Variants in PDE4B observed in about 807,000 individuals in gnomAD.
PDE4B encodes phosphodiesterase 4B.
In PDE4B, 20 loss-of-function variants were observed where a neutral mutation model predicts 82.2. The ratio of observed to expected loss-of-function variants is 0.24; its 90% CI spans 0.17 to 0.35. The LOEUF (loss-of-function observed/expected upper bound fraction) is 0.35. PDE4B is among the 10% of genes least tolerant of loss of function. The pLI, the probability that PDE4B is intolerant of heterozygous loss-of-function variation, is 1.00. For missense variants in PDE4B, 655 were observed against 907.2 expected, an observed-to-expected ratio of 0.72 and a Z score of 3.57; for synonymous variants, 320 against 318.9, an observed-to-expected ratio of 1.00 and a Z score of -0.04.
intron 1 of PDE4B, among the ~76,000 whole-genome samples, chr1:65,906,931 G>A (rs1569634262): frequency 1.3e-5 from 2 of 152,048 alleles, no homozygotes; most frequent in East Asian, 3.9e-4. Context: ...ATAAGCTAAT[G>A]GTTTAAGTTC....
intron 3 of PDE4B, among the ~76,000 whole-genome samples, chr1:66,236,496 A>T (rs1343648645): frequency 2.0e-5 from 3 of 152,140 alleles, no homozygotes. Context: ...CTTCTGCTTG[A>T]AGGATTTCCT....
chr1:66,060,657 C>CT (rs1168760876), intron 3 of PDE4B, among the ~76,000 whole-genome samples: 1 of 152,084 alleles, frequency 6.6e-6, no homozygotes, highest in African/African-American at 2.4e-5. Flanking sequence ...TTGCCCATTT[C>CT]TTTTTACTTG....
chr1:66,124,475 G>A (rs958780861), intron 3 of PDE4B, among the ~76,000 whole-genome samples: 7 of 152,136 alleles, frequency 4.6e-5, no homozygotes, highest in African/African-American at 1.4e-4. Context: ...TTAGAATGAC[G>A]GAATGTGTTA....
chr1:66,024,185 A>G (rs1653306500), intron 3 of PDE4B, among the ~76,000 whole-genome samples: 1 of 152,156 alleles, frequency 6.6e-6, no homozygotes, highest in Admixed American at 6.6e-5. Context: ...TAGAGGATAG[A>G]AAAACAATCA....
chr1:66,012,576 G>A lies in PDE4B; in HGVS notation c.281+93741G>A, dbSNP rs151133090. The stretch of plus-strand genomic sequence containing the variant: ...CTTCTGTGCCGTTTGAAGCTCCTAG[G>A]GCAGAAGGAGTAACCACATTGTGAG... On this transcript the variant is annotated intron_variant, in intron 3 of 16. Coordinates refer to ENST00000341517, the MANE Select transcript of PDE4B (RefSeq NM_002600.4). Among the ~76,000 whole-genome samples the A allele has an allele frequency of 1.1e-3, 168 of 152,130 alleles. 2 individuals carry two copies. Among genetic ancestry groups the A allele is most frequent in the South Asian group, 9.3e-3 (45 of 4,818 alleles).
intron 8 of PDE4B, among the ~76,000 whole-genome samples, chr1:66,341,937 G>T (rs1661016503): frequency 6.6e-6 from 1 of 152,200 alleles, no homozygotes; most frequent in Non-Finnish European, 1.5e-5. Flanking sequence ...TCCTAGTGGA[G>T]TTAGGTACAA....
chr1:65,945,595 C>A (rs572641944), intron 3 of PDE4B, among the ~76,000 whole-genome samples: 2 of 151,990 alleles, frequency 1.3e-5, no homozygotes, highest in Admixed American at 1.3e-4. Flanking sequence ...GGAGGTCCAA[C>A]ATTCATCAAC....
chr1:66,341,205 T>C (rs1030030716), intron 8 of PDE4B, among the ~76,000 whole-genome samples: 90 of 152,204 alleles, frequency 5.9e-4, no homozygotes, highest in African/African-American at 2.2e-3. Flanking sequence ...ATAGAGCACA[T>C]TCTAAATGAA....
chr1:66,140,298 G>A (rs1407176949), intron 3 of PDE4B, among the ~76,000 whole-genome samples: 1 of 152,104 alleles, frequency 6.6e-6, no homozygotes, highest in Non-Finnish European at 1.5e-5. Flanking sequence ...GCCTCAGAGA[G>A]GGCCAGGAAC....
chr1:66,088,389 G>A (rs958153207), intron 3 of PDE4B, among the ~76,000 whole-genome samples: 2 of 152,100 alleles, frequency 1.3e-5, no homozygotes, highest in Non-Finnish European at 2.9e-5. Flanking sequence ...TGGGGCTCAG[G>A]AGGAAAGTCT....
chr1:65,863,386 T>C (rs72933442), intron 1 of PDE4B, among the ~76,000 whole-genome samples: 2,781 of 152,292 alleles, frequency 0.018, 90 homozygotes, highest in African/African-American at 0.064. Flanking sequence ...TTATGATTTA[T>C]GTTCTCTAGC....
At chr1:66,237,608 G>T (rs1172193986) in intron 3 of PDE4B, among the ~76,000 whole-genome samples, 1 of 152,062 alleles carries the variant, frequency 6.6e-6, no homozygotes, top group African/African-American at 2.4e-5. Flanking sequence ...GAGTAATAAC[G>T]ACAAAAATGC....
At position 66,247,537 on chromosome 1, in the gene PDE4B, T is replaced by C. The variant is rs750068912; in HGVS notation, c.359T>C (p.Leu120Pro). ...PQASSSAGLV[L>P]HATFPGHSQR... ...GCCAGCTCTTCCGCTGGGCTGGTAC[T>C]TCACGCCACCTTTCCTGGGCACAGC... The change falls in exon 4 of 17, where the codon CTT becomes CCT. Residue 120 changes from leucine (L) to proline (P), a missense_variant. Around this residue, in one of 3 missense-constraint regions of PDE4B, gnomAD observed 253 missense variants for 275.6 expected, o/e 0.92. Coordinates refer to ENST00000341517, the MANE Select transcript of PDE4B (RefSeq NM_002600.4). The C allele has an allele frequency of 2.5e-6, 4 of 1,613,228 alleles. No homozygotes were observed. The highest frequency in any genetic ancestry group is 4.5e-5 in the East Asian group (2 of 44,798).
intron 3 of PDE4B, among the ~76,000 whole-genome samples, chr1:66,124,261 A>G (rs932326604): frequency 6.6e-6 from 1 of 152,218 alleles, no homozygotes; most frequent in African/African-American, 2.4e-5. Flanking sequence ...GAAATGGAAA[A>G]TGATCATTTT....
At chr1:65,889,466 A>G (rs918967839) in intron 1 of PDE4B, among the ~76,000 whole-genome samples, 5 of 152,140 alleles carry the variant, frequency 3.3e-5, no homozygotes, top group Non-Finnish European at 7.4e-5. Context: ...TTATTAAGGT[A>G]TCAGATTCAA....
chr1:66,142,074 T>C (rs570090181), intron 3 of PDE4B, among the ~76,000 whole-genome samples: 2 of 152,298 alleles, frequency 1.3e-5, no homozygotes, highest in East Asian at 3.9e-4. Flanking sequence ...GAAAATGTTA[T>C]TAAGAAAATC....
At chr1:66,057,201 A>C (rs1655349379) in intron 3 of PDE4B, among the ~76,000 whole-genome samples, 1 of 152,194 alleles carries the variant, frequency 6.6e-6, no homozygotes, top group Non-Finnish European at 1.5e-5. Context: ...TTTACTGAGC[A>C]CTTAGTATAC....
chr1:65,875,158 C>T (rs1040797826), intron 1 of PDE4B, among the ~76,000 whole-genome samples: 1 of 152,122 alleles, frequency 6.6e-6, no homozygotes, highest in Non-Finnish European at 1.5e-5. Context: ...ACAGAAACTT[C>T]TCAAAAGAAG....
chr1:66,358,582 G>C (rs745528221), intron 9 of PDE4B, among the ~76,000 whole-genome samples: 3 of 150,380 alleles, frequency 2.0e-5, no homozygotes, highest in Non-Finnish European at 4.4e-5. Context: ...GCTGAGGCAG[G>C]AGAATCACTT....
Sources: allele counts gnomAD v4.1 joint callset (sites outside exome capture counted in the v4.1 genomes callset), GRCh38; gene constraint gnomAD v4.1.1; regional missense constraint gnomAD v4.1.1; transcripts MANE v1.5; gene names NCBI Gene and HGNC (gene_info 2026-07-23, HGNC 2026-07-21).